ARHGEF10: variants seen among roughly 807,000 people sequenced by gnomAD.
The protein encoded by ARHGEF10 is Rho guanine nucleotide exchange factor 10.
A neutral mutation model predicts 147.4 loss-of-function variants in ARHGEF10; 140 were observed. The ratio of observed to expected loss-of-function variants is 0.95; its 90% CI spans 0.83 to 1.09. ARHGEF10 has a LOEUF of 1.09. ARHGEF10 is among the 50% of genes least tolerant of loss of function. The probability of loss-of-function intolerance (pLI) is 0.00; values close to 1 mark genes in which losing one functional copy is unlikely to be tolerated. For missense variants in ARHGEF10, 2,222 were observed against 1,752.7 expected, an observed-to-expected ratio of 1.27 and a Z score of -4.78; for synonymous variants, 902 against 695.8, an observed-to-expected ratio of 1.30 and a Z score of -4.67.
rs1434906361 is a variant in ARHGEF10, at chr8:1,893,749, A to G, written c.1260+103A>G. On this transcript the variant is annotated intron_variant, in intron 12 of 28. Transcript: ENST00000349830. Reference sequence around the variant, plus strand: ...CAAAGCATATATGTTTATGAAACATAACATGCAAATTTGCAAAATTCTCAA... The same window carrying G: ...CAAAGCATATATGTTTATGAAACATGACATGCAAATTTGCAAAATTCTCAA... 1.1e-5 allele frequency: 11 copies of G among 1,009,426 alleles called. No individual in the cohort carries two copies. In the East Asian group the frequency reaches 2.6e-4, roughly 23 times the overall value. 62.5% of individuals were successfully genotyped at this position (1,009,426 alleles called of 1,614,324 possible). A position where few individuals can be genotyped will look rare whatever the true frequency, so the allele number is the denominator to read the frequency against.
At position 1,958,107 on chromosome 8, in the gene ARHGEF10, C is replaced by G. The variant is rs555149868; in HGVS notation, c.*844C>G. ...TATTAGAGGAGATAGGCAGAGAAGT[C>G]TTGCTTAGTTCCTTCGTGCAGCTTC... is the stretch of plus-strand genomic sequence containing the variant. On this transcript the variant is annotated 3_prime_UTR_variant, in exon 29 of 29. Coordinates refer to ENST00000349830, the MANE Select transcript of ARHGEF10 (RefSeq NM_014629.4). The G allele has an allele frequency of 1.3e-5, 2 of 152,360 alleles. No homozygotes were observed. Among genetic ancestry groups the G allele is most frequent in the South Asian group, 2.1e-4 (1 of 4,830 alleles). The allele number at this position is 152,360 out of a possible 1,614,324, so 9.4% of individuals were successfully genotyped here.
chr8:1,909,664 CTT>C (rs1164676808), intron 18 of ARHGEF10, among the ~76,000 whole-genome samples, 194 bp downstream of exon 18: 1 of 152,218 alleles, frequency 6.6e-6, no homozygotes, highest in African/African-American at 2.4e-5. Flanking sequence ...TCATCACTGA[CTT>C]GTCCCACGTG....
chr8:1,871,807 A>G (rs75673491), intron 7 of ARHGEF10, among the ~76,000 whole-genome samples: 9,706 of 152,166 alleles, frequency 0.064, 994 homozygotes, highest in African/African-American at 0.21. Context: ...ACAGAGCGAG[A>G]CTCCCTCTGA....
At chr8:1,930,855 G>T (rs996903925) in intron 25 of ARHGEF10, among the ~76,000 whole-genome samples, 2 of 152,202 alleles carry the variant, frequency 1.3e-5, no homozygotes, top group Non-Finnish European at 2.9e-5. Flanking sequence ...CACAGGAGCC[G>T]CTCCTGTCTC....
At position 1,878,609 on chromosome 8, in the gene ARHGEF10, C is replaced by T. The variant is rs138781150; in HGVS notation, c.844-1439C>T. 6.6e-5 allele frequency among the ~76,000 whole-genome samples: 10 copies of T among 152,252 alleles called. No homozygotes were observed. In the East Asian group the frequency reaches 1.5e-3, roughly 24 times the overall value. ...GGCTCTGACATCACAGATGGAGGCT[C>T]GGTGTGTGCCTCGGAGCGTGGGTTA... On this transcript the variant is annotated intron_variant, in intron 8 of 28. Transcript: ENST00000349830.
At chr8:1,926,732 TAAG>T in intron 23 of ARHGEF10, 1 of 505,274 alleles carries the variant, frequency 2.0e-6, no homozygotes, top group South Asian at 2.3e-5. Flanking sequence ...AACTAACTAA[TAAG>T]AGAATAATTT....
intron 28 of ARHGEF10, among the ~76,000 whole-genome samples, chr8:1,954,240 C>G (rs1022191988): frequency 6.6e-6 from 1 of 152,044 alleles, no homozygotes; most frequent in Non-Finnish European, 1.5e-5. Flanking sequence ...ATTACAGGCA[C>G]CAGCCACCAT....
At chr8:1,850,150 G>C (rs1223164055) in intron 2 of ARHGEF10, among the ~76,000 whole-genome samples, 427 of 35,152 alleles carry the variant, frequency 0.012, 56 homozygotes, top group Admixed American at 0.019. Context: ...AGGGTGTGGG[G>C]CGGCCACGTG....
At chr8:1,876,044 C>T (rs1807670683) in intron 7 of ARHGEF10, 1 of 167,228 alleles carries the variant, frequency 6.0e-6, no homozygotes, top group Admixed American at 5.6e-5. Context: ...GTTAGTGTCA[C>T]AGCATTGAAA....
intron 1 of ARHGEF10, among the ~76,000 whole-genome samples, chr8:1,831,997 T>C (rs1264345298): frequency 6.6e-6 from 1 of 152,102 alleles, no homozygotes; most frequent in African/African-American, 2.4e-5. Context: ...CCTGTGGGTG[T>C]GGCCGCTGGG....
At chr8:1,931,196 G>A (rs1276762647) in intron 25 of ARHGEF10, among the ~76,000 whole-genome samples, 1 of 152,238 alleles carries the variant, frequency 6.6e-6, no homozygotes, top group East Asian at 1.9e-4. Context: ...TGCTGCCTGT[G>A]TTCCTACCAC....
intron 1 of ARHGEF10, among the ~76,000 whole-genome samples, chr8:1,834,924 C>G (rs1239053364): frequency 2.0e-5 from 3 of 152,194 alleles, no homozygotes; most frequent in Non-Finnish European, 4.4e-5. Context: ...CTCCCGGCCC[C>G]AAGCTCCCGG....
intron 18 of ARHGEF10, among the ~76,000 whole-genome samples, chr8:1,920,568 T>C (rs1260907128): frequency 6.6e-6 from 1 of 151,938 alleles, no homozygotes; most frequent in African/African-American, 2.4e-5. Flanking sequence ...CCTTTAGCAG[T>C]CCTCTCACCT....
intron 18 of ARHGEF10, among the ~76,000 whole-genome samples, chr8:1,915,314 C>G (rs1429275473): frequency 6.6e-6 from 1 of 152,220 alleles, no homozygotes; most frequent in Non-Finnish European, 1.5e-5. Context: ...AAAACAGTCA[C>G]ATCACAGATT....
intron 6 of ARHGEF10, 87 bp from the exon 7 acceptor site, chr8:1,869,107 A>G (rs1806864781): frequency 8.3e-7 from 1 of 1,208,356 alleles, no homozygotes. Flanking sequence ...TAATCATGAC[A>G]TCATCGGCGA....
intron 27 of ARHGEF10, among the ~76,000 whole-genome samples, chr8:1,949,042 G>GT (rs1814818271): frequency 6.7e-6 from 1 of 148,382 alleles, no homozygotes; most frequent in African/African-American, 2.5e-5. Flanking sequence ...GTGTGTGTGT[G>GT]GCAACAAGAC....
intron 1 of ARHGEF10, among the ~76,000 whole-genome samples, chr8:1,833,252 C>T (rs1001613205): frequency 2.5e-4 from 18 of 71,048 alleles, no homozygotes; most frequent in Admixed American, 1.0e-3. Flanking sequence ...AGACAGAGGC[C>T]GAGACAGAGG....
chr8:1,914,433 T>C (rs955940406), intron 18 of ARHGEF10, among the ~76,000 whole-genome samples: 4 of 152,240 alleles, frequency 2.6e-5, no homozygotes, highest in African/African-American at 4.8e-5. Context: ...CCCTGCCCGA[T>C]GCACTGCATG....
At chr8:1,888,555 G>GT (rs1428469412) in intron 11 of ARHGEF10, among the ~76,000 whole-genome samples, 2 of 131,478 alleles carry the variant, frequency 1.5e-5, no homozygotes, top group Non-Finnish European at 3.2e-5. Flanking sequence ...GTGGGGTGAG[G>GT]TATGGGGAGA....
Sources: allele counts gnomAD v4.1 joint callset (sites outside exome capture counted in the v4.1 genomes callset), GRCh38; gene constraint gnomAD v4.1.1; transcripts MANE v1.5; gene names NCBI Gene and HGNC (gene_info 2026-07-23, HGNC 2026-07-21).